Variants in RIT2 observed in about 807,000 individuals in gnomAD.
RIT2 encodes GTP-binding protein Rit2.
In RIT2, 24 loss-of-function variants were observed where a neutral mutation model predicts 23.7. The ratio of observed to expected loss-of-function variants is 1.01; its 90% CI spans 0.73 to 1.43. The LOEUF (loss-of-function observed/expected upper bound fraction) is 1.43. RIT2 is among the 40% of genes most tolerant of loss of function. The pLI, the probability that RIT2 is intolerant of heterozygous loss-of-function variation, is 0.00. For missense variants in RIT2, 236 were observed against 266.9 expected, an observed-to-expected ratio of 0.88 and a Z score of 0.81; for synonymous variants, 107 against 91.1, an observed-to-expected ratio of 1.17 and a Z score of -0.99.
At chr18:43,065,707 G>A (rs1183724726) in intron 1 of RIT2, among the ~76,000 whole-genome samples, 1 of 152,110 alleles carries the variant, frequency 6.6e-6, no homozygotes, top group Non-Finnish European at 1.5e-5. Flanking sequence ...TGAAAATTGT[G>A]TGGTAACAAA....
In RIT2 at chr18:42,887,914, C is replaced by T. The variant is rs559036140; in HGVS notation, c.426+35658G>A. ...AGGGAAAGGAGCCATTCTGAAAAGGCTACACACTGTATAATTCTAACTATG... is the reference window on the plus strand; with the variant it reads ...AGGGAAAGGAGCCATTCTGAAAAGGTTACACACTGTATAATTCTAACTATG... On this transcript the variant is annotated intron_variant, in intron 4 of 4. Transcript: ENST00000326695. 2.6e-5 allele frequency among the ~76,000 whole-genome samples: 4 copies of T among 152,150 alleles called. No individual in the cohort carries two copies. In the South Asian group the frequency reaches 8.3e-4, roughly 32 times the overall value.
chr18:42,931,650 G>A (rs1032303137), intron 3 of RIT2, among the ~76,000 whole-genome samples: 2 of 151,958 alleles, frequency 1.3e-5, no homozygotes, highest in African/African-American at 4.8e-5. Context: ...ATTTTTAATC[G>A]CAGCTGGCTT....
At chr18:42,785,419 T>C (rs1010649846) in intron 4 of RIT2, among the ~76,000 whole-genome samples, 4 of 151,696 alleles carry the variant, frequency 2.6e-5, no homozygotes, top group African/African-American at 9.7e-5. Context: ...GGAATCATTA[T>C]TAAATCCATG....
chr18:42,916,732 T>C (rs62089941), intron 4 of RIT2, among the ~76,000 whole-genome samples: 22,252 of 152,084 alleles, frequency 0.15, 2,305 homozygotes, highest in East Asian at 0.61. Context: ...CTGTGCTAGA[T>C]AACCTACTGA....
chr18:42,990,457 T>C (rs957702960), intron 2 of RIT2, among the ~76,000 whole-genome samples: 10 of 152,284 alleles, frequency 6.6e-5, no homozygotes, highest in African/African-American at 2.4e-4. Flanking sequence ...AAATTAACCA[T>C]CACACTTGCC....
chr18:42,754,424 A>C (rs907112780), intron 4 of RIT2, among the ~76,000 whole-genome samples: 1 of 152,142 alleles, frequency 6.6e-6, no homozygotes, highest in African/African-American at 2.4e-5. Context: ...CATTTTACAC[A>C]GTAGAGCCCA....
At chr18:42,876,978 A>T (rs986022351) in intron 4 of RIT2, among the ~76,000 whole-genome samples, 3 of 151,912 alleles carry the variant, frequency 2.0e-5, no homozygotes, top group African/African-American at 7.2e-5. Context: ...TTTTCACTAG[A>T]TGGACTACTC....
At chr18:43,089,592 A>T (rs1475125292) in intron 1 of RIT2, among the ~76,000 whole-genome samples, 2 of 151,376 alleles carry the variant, frequency 1.3e-5, no homozygotes, top group Non-Finnish European at 3.0e-5. Context: ...AAAAAAAATA[A>T]AAAAAAAAAT....
intron 2 of RIT2, among the ~76,000 whole-genome samples, chr18:42,981,975 T>G (rs1598737620): frequency 6.6e-6 from 1 of 152,200 alleles, no homozygotes; most frequent in South Asian, 2.1e-4. Flanking sequence ...AACACTGTCA[T>G]GAACAACCTA....
At chr18:42,795,756 GC>G (rs751472708) in intron 4 of RIT2, among the ~76,000 whole-genome samples, 23 of 152,300 alleles carry the variant, frequency 1.5e-4, no homozygotes, top group Non-Finnish European at 2.6e-4. Flanking sequence ...ACACCAATCG[GC>G]ACTCTGTATC....
chr18:43,013,682 T>C (rs1911404452), intron 2 of RIT2, among the ~76,000 whole-genome samples: 1 of 151,800 alleles, frequency 6.6e-6, no homozygotes, highest in Non-Finnish European at 1.5e-5. Flanking sequence ...ACATTGTTTT[T>C]GGCACTATCA....
In RIT2 at chr18:42,965,559, A is replaced by G. The variant is rs936699924; in HGVS notation, c.234+8515T>C. On this transcript the variant is annotated intron_variant, in intron 3 of 4. Coordinates refer to ENST00000326695, the MANE Select transcript of RIT2 (RefSeq NM_002930.4). ...AAATCCTTTCCCAATTGTTCAATAT[A>G]TGGACCATGTAAATCAAGGAAAAGC... Among the ~76,000 whole-genome samples the G allele has an allele frequency of 3.3e-5, 5 of 152,214 alleles. 1 individual carries two copies. In the South Asian group the frequency reaches 6.2e-4, roughly 19 times the overall value.
chr18:43,065,100 G>A (rs565485554), intron 1 of RIT2, among the ~76,000 whole-genome samples: 6 of 152,030 alleles, frequency 3.9e-5, no homozygotes, highest in South Asian at 4.1e-4. Context: ...TTACAGGGGT[G>A]AGCCACCACT....
chr18:42,865,078 T>TTATA (rs1907434142), intron 4 of RIT2, among the ~76,000 whole-genome samples: 1 of 152,178 alleles, frequency 6.6e-6, no homozygotes, highest in Non-Finnish European at 1.5e-5. Context: ...ACACAACTAG[T>TTATA]TATAGCCCAG....
chr18:42,857,572 G>GT (rs1182718157), intron 4 of RIT2, among the ~76,000 whole-genome samples: 1 of 152,118 alleles, frequency 6.6e-6, no homozygotes, highest in African/African-American at 2.4e-5. Flanking sequence ...GACATTTTAG[G>GT]TAAAAGAGCT....
At chr18:42,760,400 G>A (rs1456918906) in intron 4 of RIT2, among the ~76,000 whole-genome samples, 1 of 152,172 alleles carries the variant, frequency 6.6e-6, no homozygotes, top group African/African-American at 2.4e-5. Flanking sequence ...CTAAGTCAGT[G>A]ACACCTGTTT....
chr18:42,982,044 C>A (rs940553768), intron 2 of RIT2, among the ~76,000 whole-genome samples: 4 of 152,128 alleles, frequency 2.6e-5, no homozygotes, highest in African/African-American at 9.7e-5. Context: ...GTCTGAAGAG[C>A]TGAGATCTCA....
At chr18:42,795,496 G>A (rs1171383058) in intron 4 of RIT2, among the ~76,000 whole-genome samples, 4 of 152,230 alleles carry the variant, frequency 2.6e-5, no homozygotes, top group African/African-American at 4.8e-5. Flanking sequence ...CCGGCAGCCC[G>A]CCATGCTTGA....
chr18:42,749,877 T>C (rs1205810602), intron 4 of RIT2, among the ~76,000 whole-genome samples: 1 of 151,832 alleles, frequency 6.6e-6, no homozygotes, highest in East Asian at 1.9e-4. Context: ...TATGTGTAGA[T>C]GTATGCAACA....
Sources: gnomAD v4.1 joint callset for allele counts (sites outside exome capture counted in the v4.1 genomes callset) on GRCh38, gnomAD v4.1.1 for gene constraint, MANE v1.5 for transcripts, NCBI Gene and HGNC (gene_info 2026-07-23, HGNC 2026-07-21) for gene names.